The following ZMAT4 variants were observed in gnomAD, a reference collection of about 807,000 sequenced individuals.
ZMAT4 encodes the protein zinc finger matrin-type protein 4.
Under a neutral mutation model 28.7 loss-of-function variants are expected in ZMAT4, and 17 were observed. The ratio of observed to expected loss-of-function variants is 0.59; its 90% confidence interval spans 0.41 to 0.89. The LOEUF (loss-of-function observed/expected upper bound fraction) is 0.89, where lower values mean the gene tolerates loss of function less well. ZMAT4 is among the 40% of genes least tolerant of loss of function. ZMAT4 has a pLI of 0.00. For synonymous variants in ZMAT4, 117 were observed against 109.2 expected (o/e 1.07, Z -0.44); for missense variants, 240 against 283.8 (o/e 0.85, Z 1.11).
chr8:40,562,711 C>G (rs892774683), intron 6 of ZMAT4, among the ~76,000 whole-genome samples: 2 of 152,046 alleles, frequency 1.3e-5, no homozygotes, highest in African/African-American at 4.8e-5. Context: ...AATGACAACC[C>G]CTCCTGATTG....
At chr8:40,720,389 G>A (rs1050281017) in intron 3 of ZMAT4, among the ~76,000 whole-genome samples, 1 of 152,106 alleles carries the variant, frequency 6.6e-6, no homozygotes, top group African/African-American at 2.4e-5. Context: ...TCTGTGGTCA[G>A]AAGGACTTGC....
At chr8:40,831,318 G>T (rs1816272496) in intron 1 of ZMAT4, among the ~76,000 whole-genome samples, 1 of 152,224 alleles carries the variant, frequency 6.6e-6, no homozygotes, top group African/African-American at 2.4e-5. Context: ...GGACGGAGAA[G>T]TTTGATGAGA....
intron 6 of ZMAT4, among the ~76,000 whole-genome samples, chr8:40,571,418 C>T (rs1365449246): frequency 6.6e-6 from 1 of 152,066 alleles, no homozygotes. Context: ...CTGCCTTTTC[C>T]ATGTGAGAAG....
In ZMAT4 at chr8:40,753,714, G is replaced by A. The variant is rs192120378; in HGVS notation, c.192+13927C>T. On this transcript the variant is annotated intron_variant, in intron 3 of 6. Coordinates refer to ENST00000297737, the MANE Select transcript of ZMAT4 (RefSeq NM_024645.3). ...GATAATACAGACCTCAGGTTCTAGA[G>A]CCAAACAGTATTGAGTTTGAATCTT... Among the ~76,000 whole-genome samples, 4 of 152,278 alleles carry A rather than the reference G, an allele frequency of 2.6e-5. No individual in the cohort carries two copies. In the East Asian group the frequency reaches 7.7e-4, roughly 29 times the overall value.
chr8:40,813,365 G>C (rs1300016855), intron 2 of ZMAT4, among the ~76,000 whole-genome samples: 2 of 152,330 alleles, frequency 1.3e-5, no homozygotes, highest in African/African-American at 4.8e-5. Context: ...ATCAGGAAGG[G>C]TAAAGTGATT....
At chr8:40,757,433 A>C (rs2150552378) in intron 3 of ZMAT4, among the ~76,000 whole-genome samples, 1 of 152,186 alleles carries the variant, frequency 6.6e-6, no homozygotes, top group African/African-American at 2.4e-5. Flanking sequence ...AAAAATACAA[A>C]AAATTAGCCG....
At chr8:40,683,981 T>G (rs1228783780) in intron 4 of ZMAT4, among the ~76,000 whole-genome samples, 1 of 151,920 alleles carries the variant, frequency 6.6e-6, no homozygotes, top group Non-Finnish European at 1.5e-5. Flanking sequence ...GATGGGAGGA[T>G]TGCTTGATCC....
chr8:40,577,202 A>G (rs79486595), intron 6 of ZMAT4, among the ~76,000 whole-genome samples: 1 of 149,810 alleles, frequency 6.7e-6, no homozygotes, highest in African/African-American at 2.5e-5. Context: ...CTCAAAAAAG[A>G]AAAAAAAAAG....
At chr8:40,537,813 C>T (rs921257375) in intron 6 of ZMAT4, among the ~76,000 whole-genome samples, 1 of 152,160 alleles carries the variant, frequency 6.6e-6, no homozygotes, top group African/African-American at 2.4e-5. Context: ...CTAATACACA[C>T]ACATCCTCCT....
At position 40,845,691 on chromosome 8, in the gene ZMAT4, G is replaced by A. The variant is rs183731003; in HGVS notation, c.-4-20011C>T. ...GACACAGTGAAAACCTGTGTTTGCT[G>A]TCCCAAGGAATTGCAAAAAAAAAAA... On this transcript the variant is annotated intron_variant, in intron 1 of 6. Transcript: ENST00000297737. 1.0e-3 allele frequency among the ~76,000 whole-genome samples: 153 copies of A among 147,580 alleles called. 1 individual carries two copies. The highest frequency in any genetic ancestry group is 3.6e-3 in the African/African-American group (144 of 39,486).
chr8:40,767,668 A>G lies in ZMAT4; in HGVS notation c.165T>C (p.Cys55=), dbSNP rs1383350773. 5 of 1,612,876 alleles carry G rather than the reference A, an allele frequency of 3.1e-6. No homozygotes were observed. Among genetic ancestry groups the G allele is most frequent in the Non-Finnish European group, 2.5e-6 (3 of 1,179,628 alleles). The part of the protein sequence containing the change: ...YYMLHPRDGG[C]PAKRLRSENG... ...TTTCTGACCGGAGCCTCTTGGCAGG[A>G]CACCCTCCATCCCTGGGGTGAAGCA... The change falls in exon 3 of 7, where the codon TGT becomes TGC. Residue 55 remains cysteine, a synonymous_variant. Transcript: ENST00000297737.
intron 1 of ZMAT4, among the ~76,000 whole-genome samples, chr8:40,859,034 T>C (rs1817397239): frequency 6.6e-6 from 1 of 152,204 alleles, no homozygotes; most frequent in Non-Finnish European, 1.5e-5. Flanking sequence ...GCCATCACCC[T>C]TGAGGAGCAA....
At chr8:40,556,574 T>G (rs1314772376) in intron 6 of ZMAT4, among the ~76,000 whole-genome samples, 1 of 152,198 alleles carries the variant, frequency 6.6e-6, no homozygotes, top group East Asian at 1.9e-4. Flanking sequence ...CATCACATCC[T>G]GCCTGGACTA....
In ZMAT4 at chr8:40,800,292, T is replaced by C. The variant is rs187322622; in HGVS notation, c.102+25283A>G. On this transcript the variant is annotated intron_variant, in intron 2 of 6. Transcript: ENST00000297737. ...GGAGAAATAAACGAAGCTCTTACTATGCTTGGGCACTTCACCACATCTCTA... is the reference window on the plus strand; with the variant it reads ...GGAGAAATAAACGAAGCTCTTACTACGCTTGGGCACTTCACCACATCTCTA... 9.8e-5 allele frequency among the ~76,000 whole-genome samples: 15 copies of C among 152,338 alleles called. No homozygotes were observed. In the East Asian group the frequency reaches 2.9e-3, roughly 29 times the overall value.
chr8:40,710,305 T>C (rs186121193), intron 3 of ZMAT4, among the ~76,000 whole-genome samples: 1 of 152,216 alleles, frequency 6.6e-6, no homozygotes, highest in Non-Finnish European at 1.5e-5. Flanking sequence ...CACAATATTA[T>C]TGGATAAAGT....
rs116633634 is a variant in ZMAT4, at chr8:40,588,147, A to G, written c.578-6886T>C. Among the ~76,000 whole-genome samples the G allele has an allele frequency of 8.6e-3, 1,303 of 152,136 alleles. 30 individuals are homozygous for G. The highest frequency in any genetic ancestry group is 0.03 in the African/African-American group (1,260 of 41,578). Reference sequence around the variant, plus strand: ...ATTGACTATATATTTAAATGTAAAAACCAAAACTATAAAAACATAAAAACA... The same window carrying G: ...ATTGACTATATATTTAAATGTAAAAGCCAAAACTATAAAAACATAAAAACA... On this transcript the variant is annotated intron_variant, in intron 5 of 6. Transcript: ENST00000297737.
At chr8:40,769,820 A>C in intron 2 of ZMAT4, among the ~76,000 whole-genome samples, 1 of 150,036 alleles carries the variant, frequency 6.7e-6, no homozygotes. Context: ...AAAGTATTCC[A>C]TTTCTTTTAA....
At chr8:40,692,501 G>C (rs938886351) in intron 4 of ZMAT4, among the ~76,000 whole-genome samples, 5 of 152,132 alleles carry the variant, frequency 3.3e-5, no homozygotes, top group Admixed American at 2.6e-4. Context: ...TCACAATAAA[G>C]GCTTATTTCT....
At chr8:40,691,202 T>C (rs915301958) in intron 4 of ZMAT4, among the ~76,000 whole-genome samples, 3 of 152,132 alleles carry the variant, frequency 2.0e-5, no homozygotes, top group African/African-American at 7.2e-5. Flanking sequence ...AAATGTTTGA[T>C]TCATTAACTT....
Sources: allele counts gnomAD v4.1 joint callset (sites outside exome capture counted in the v4.1 genomes callset), GRCh38; gene constraint gnomAD v4.1.1; transcripts MANE v1.5; gene names NCBI Gene and HGNC (gene_info 2026-07-23, HGNC 2026-07-21).